Variants in ACACA observed in about 807,000 individuals in gnomAD.
The protein encoded by ACACA is acetyl-CoA carboxylase 1.
Under a neutral mutation model 296.1 loss-of-function variants are expected in ACACA, and 103 were observed. The ratio of observed to expected loss-of-function variants is 0.35; its 90% confidence interval spans 0.30 to 0.41. ACACA has a LOEUF of 0.41. Ranked by LOEUF, ACACA falls within the 10% of genes least tolerant of loss-of-function variation. ACACA has a pLI of 1.00. For missense variants in ACACA, 1,554 were observed against 2,989.7 expected, an observed-to-expected ratio of 0.52 and a Z score of 11.20; for synonymous variants, 953 against 1,038.6, an observed-to-expected ratio of 0.92 and a Z score of 1.58.
chr17:37,092,189 A>C (rs1451489693), intron 54 of ACACA, among the ~76,000 whole-genome samples: 1 of 149,052 alleles, frequency 6.7e-6, no homozygotes, highest in African/African-American at 2.5e-5. Flanking sequence ...CTGAGGTGGG[A>C]GGGGAGGATC....
At chr17:37,094,546 C>T (rs2072853618) in intron 54 of ACACA, among the ~76,000 whole-genome samples, 1 of 148,832 alleles carries the variant, frequency 6.7e-6, no homozygotes, top group Non-Finnish European at 1.5e-5. Flanking sequence ...ACACAACACA[C>T]AGTATCTATC....
At chr17:37,096,677 A>G (rs764227355) in intron 54 of ACACA, among the ~76,000 whole-genome samples, 3 of 152,152 alleles carry the variant, frequency 2.0e-5, no homozygotes, top group Non-Finnish European at 4.4e-5. Context: ...GGTGAGCTCT[A>G]TGTGGATAGG....
At chr17:37,199,458 CTTAA>C (rs1379377532) in intron 35 of ACACA, among the ~76,000 whole-genome samples, 5 of 152,108 alleles carry the variant, frequency 3.3e-5, no homozygotes, top group African/African-American at 1.2e-4. Flanking sequence ...AGGCTATTAA[CTTAA>C]TTCTCTTTTC....
intron 1 of ACACA, among the ~76,000 whole-genome samples, chr17:37,404,534 T>C (rs1181437164): frequency 6.6e-6 from 1 of 151,666 alleles, no homozygotes. Flanking sequence ...AATTTTAATA[T>C]TTCTACCATC....
At chr17:37,253,378 C>T (rs1598321606) in intron 14 of ACACA, among the ~76,000 whole-genome samples, 3 of 151,990 alleles carry the variant, frequency 2.0e-5, no homozygotes, top group South Asian at 2.1e-4. Context: ...GGCGACAGAG[C>T]GAGACTCTGT....
At chr17:37,227,574 C>A (rs1167736109) in intron 25 of ACACA, among the ~76,000 whole-genome samples, 1 of 152,010 alleles carries the variant, frequency 6.6e-6, no homozygotes, top group Non-Finnish European at 1.5e-5. Flanking sequence ...ATAAATAAAA[C>A]AAAAAATTTT....
chr17:37,386,115 T>C (rs377428299), intron 1 of ACACA: 409 of 1,563,128 alleles, frequency 2.6e-4, no homozygotes, highest in Non-Finnish European at 3.4e-4. Context: ...GAGAGAAAAC[T>C]ACAAGTACCG....
chr17:37,257,193 T>C (rs2081265445), intron 14 of ACACA, among the ~76,000 whole-genome samples: 1 of 152,208 alleles, frequency 6.6e-6, no homozygotes. Context: ...TTTCTTTATG[T>C]CCTTTTCATA....
intron 10 of ACACA, among the ~76,000 whole-genome samples, chr17:37,268,741 C>CTATCTATCTATCTATCTATA (rs1219982787): frequency 3.2e-5 from 3 of 94,528 alleles, no homozygotes; most frequent in African/African-American, 1.2e-4. Flanking sequence ...ATCTATCTAT[C>CTATCTATCTATCTATCTATA]TATATATATA....
chr17:37,095,768 AC>A (rs2072949375), intron 54 of ACACA, among the ~76,000 whole-genome samples: 2 of 152,282 alleles, frequency 1.3e-5, no homozygotes, highest in Non-Finnish European at 2.9e-5. Flanking sequence ...TATATTAATT[AC>A]TAATAAAGGT....
At chr17:37,196,824 CTTTTT>C (rs536377828) in intron 35 of ACACA, among the ~76,000 whole-genome samples, 1 of 151,688 alleles carries the variant, frequency 6.6e-6, no homozygotes, top group Non-Finnish European at 1.5e-5. Flanking sequence ...GATCTTTTTT[CTTTTT>C]TTTAACATCT....
chr17:37,285,755 G>A (rs369918119), intron 3 of ACACA, among the ~76,000 whole-genome samples: 20 of 152,068 alleles, frequency 1.3e-4, no homozygotes, highest in African/African-American at 4.1e-4. Flanking sequence ...GCTTGGGCAC[G>A]TGTGGTTGAG....
chr17:37,263,058 T>C (rs2081587867), intron 11 of ACACA, among the ~76,000 whole-genome samples: 1 of 152,112 alleles, frequency 6.6e-6, no homozygotes, highest in Non-Finnish European at 1.5e-5. Flanking sequence ...GGCATCTTTA[T>C]TACAGCAGTT....
chr17:37,299,814 A>C, intron 3 of ACACA: 1 of 992,264 alleles, frequency 1.0e-6, no homozygotes. Context: ...CCAAATTTAC[A>C]AGGACAATTA....
At chr17:37,162,190 G>A in intron 41 of ACACA, 140 bp from the exon 42 acceptor site, 1 of 881,250 alleles carries the variant, frequency 1.1e-6, no homozygotes, top group South Asian at 1.5e-5. Context: ...ACTCCCTGTG[G>A]GAAACTACAA....
chr17:37,299,882 G>C, intron 3 of ACACA: 1 of 811,886 alleles, frequency 1.2e-6, no homozygotes, highest in Non-Finnish European at 1.5e-6. Context: ...TCGGTCTAAA[G>C]AGGTAATTTC....
intron 1 of ACACA, among the ~76,000 whole-genome samples, chr17:37,383,081 T>G (rs529433667): frequency 3.7e-4 from 56 of 152,150 alleles, no homozygotes; most frequent in Middle Eastern, 3.2e-3. Flanking sequence ...TTTTGAACTT[T>G]GAATATTAAT....
chr17:37,114,614 A>G (rs996507354), intron 50 of ACACA, among the ~76,000 whole-genome samples: 6 of 151,976 alleles, frequency 3.9e-5, no homozygotes, highest in African/African-American at 1.5e-4. Flanking sequence ...CCCATGATGT[A>G]CACATAAAGT....
intron 39 of ACACA, among the ~76,000 whole-genome samples, chr17:37,187,669 T>C (rs2077588885): frequency 6.6e-6 from 1 of 152,276 alleles, no homozygotes; most frequent in African/African-American, 2.4e-5. Context: ...GGTTTAAATT[T>C]GCCACTTTGC....
Sources: allele counts gnomAD v4.1 joint callset (sites outside exome capture counted in the v4.1 genomes callset), GRCh38; gene constraint gnomAD v4.1.1; transcripts MANE v1.5; gene names NCBI Gene and HGNC (gene_info 2026-07-23, HGNC 2026-07-21).